CD2AP: variants seen among roughly 807,000 people sequenced by gnomAD.
CD2AP encodes the protein CD2 associated protein.
In CD2AP, 46 loss-of-function variants were observed where a neutral mutation model predicts 85.1. The ratio of observed to expected loss-of-function variants is 0.54; its 90% CI spans 0.43 to 0.69. The LOEUF (loss-of-function observed/expected upper bound fraction) is 0.69. Among genes scored for constraint, CD2AP ranks in the 30% least tolerant of loss-of-function variants. CD2AP has a pLI of 0.00. For synonymous variants in CD2AP, 255 were observed against 252.9 expected (o/e 1.01, Z -0.08); for missense variants, 769 against 729.5 (o/e 1.05, Z -0.62).
chr6:47,587,341 A>G (rs1229483633), intron 11 of CD2AP, among the ~76,000 whole-genome samples: 1 of 152,190 alleles, frequency 6.6e-6, no homozygotes, highest in Non-Finnish European at 1.5e-5. Flanking sequence ...AGAAACCATG[A>G]AACTGATCAC....
At chr6:47,500,781 C>G (rs952403331) in intron 1 of CD2AP, among the ~76,000 whole-genome samples, 3 of 151,562 alleles carry the variant, frequency 2.0e-5, no homozygotes, top group Non-Finnish European at 4.4e-5. Context: ...GAGTCCTGCC[C>G]TGTCACCCAG....
At chr6:47,489,822 GA>G (rs1479670444) in intron 1 of CD2AP, among the ~76,000 whole-genome samples, 1 of 152,142 alleles carries the variant, frequency 6.6e-6, no homozygotes, top group Non-Finnish European at 1.5e-5. Flanking sequence ...AACATTTTGA[GA>G]AGGAAGATTG....
intron 1 of CD2AP, among the ~76,000 whole-genome samples, chr6:47,490,798 G>A (rs1342212998): frequency 1.3e-5 from 2 of 152,098 alleles, no homozygotes; most frequent in Admixed American, 6.5e-5. Context: ...TGTGCTAAGA[G>A]TGTATTGTAC....
chr6:47,498,656 A>G (rs1035021636), intron 1 of CD2AP, among the ~76,000 whole-genome samples: 4 of 152,184 alleles, frequency 2.6e-5, no homozygotes, highest in Non-Finnish European at 4.4e-5. Flanking sequence ...AAAAACAGTA[A>G]GATACTTTGG....
At chr6:47,540,456 A>G (rs1334194393) in intron 3 of CD2AP, among the ~76,000 whole-genome samples, 1 of 152,190 alleles carries the variant, frequency 6.6e-6, no homozygotes, top group Non-Finnish European at 1.5e-5. Flanking sequence ...AATATGAAAT[A>G]ATGTGGAATT....
chr6:47,482,380 C>CT (rs531967845), intron 1 of CD2AP, among the ~76,000 whole-genome samples: 2,134 of 133,446 alleles, frequency 0.016, 53 homozygotes, highest in African/African-American at 0.048. Flanking sequence ...TTTTTTTTGT[C>CT]TTTTTTTTTT....
intron 13 of CD2AP, 55 bp downstream of exon 13, chr6:47,599,498 C>G: frequency 3.4e-6 from 5 of 1,465,318 alleles, no homozygotes; most frequent in South Asian, 1.2e-5. Flanking sequence ...GTCAAAGAAA[C>G]TCTTTAAGAG....
At chr6:47,563,264 A>G (rs753145254) in intron 5 of CD2AP, among the ~76,000 whole-genome samples, 5 of 152,234 alleles carry the variant, frequency 3.3e-5, no homozygotes, top group Non-Finnish European at 5.9e-5. Flanking sequence ...GTATGCTAAT[A>G]GTATAAAATG....
intron 3 of CD2AP, among the ~76,000 whole-genome samples, chr6:47,537,550 T>G (rs929967312): frequency 2.0e-5 from 3 of 152,204 alleles, no homozygotes; most frequent in African/African-American, 7.2e-5. Context: ...GTTAACATTT[T>G]CTCACATTGG....
At chr6:47,583,379 G>C (rs1001524959) in intron 11 of CD2AP, among the ~76,000 whole-genome samples, 3 of 152,146 alleles carry the variant, frequency 2.0e-5, no homozygotes, top group Non-Finnish European at 2.9e-5. Context: ...GTATCATACA[G>C]AATAGCATTA....
chr6:47,518,573 A>T (rs1046703259), intron 2 of CD2AP, among the ~76,000 whole-genome samples: 1 of 152,144 alleles, frequency 6.6e-6, no homozygotes, highest in African/African-American at 2.4e-5. Flanking sequence ...ATTGTTTTCA[A>T]TTTCTGAATA....
intron 6 of CD2AP, 65 bp downstream of exon 6, chr6:47,574,316 A>G (rs1247063438): frequency 1.4e-6 from 2 of 1,454,546 alleles, no homozygotes; most frequent in Non-Finnish European, 9.6e-7. Flanking sequence ...TTTAAAATGT[A>G]AAAGTCAGTT....
intron 15 of CD2AP, among the ~76,000 whole-genome samples, chr6:47,608,257 T>A (rs1769330342): frequency 1.3e-5 from 2 of 152,196 alleles, no homozygotes; most frequent in Admixed American, 1.3e-4. Context: ...ATTTCATATT[T>A]TTTAAGGCAT....
chr6:47,523,633 C>G (rs1295389172), intron 2 of CD2AP, among the ~76,000 whole-genome samples: 1 of 152,094 alleles, frequency 6.6e-6, no homozygotes, highest in Non-Finnish European at 1.5e-5. Flanking sequence ...GTAATTCATT[C>G]TGTGACTTGA....
intron 2 of CD2AP, among the ~76,000 whole-genome samples, chr6:47,532,358 AG>A (rs1175686949): frequency 2.6e-4 from 38 of 146,394 alleles, no homozygotes; most frequent in Admixed American, 1.8e-3. Flanking sequence ...AAAAAAAAAA[AG>A]TATATATATA....
At chr6:47,535,082 C>T (rs1286125039) in intron 3 of CD2AP, among the ~76,000 whole-genome samples, 2 of 152,154 alleles carry the variant, frequency 1.3e-5, no homozygotes, top group Non-Finnish European at 2.9e-5. Context: ...CAGACGTGAG[C>T]CACCATGCTA....
At chr6:47,622,144 G>A (rs1002141280) in intron 17 of CD2AP, among the ~76,000 whole-genome samples, 1 of 152,100 alleles carries the variant, frequency 6.6e-6, no homozygotes, top group Non-Finnish European at 1.5e-5. Flanking sequence ...GCAGTCACAG[G>A]CCTCACCCAG....
In CD2AP at chr6:47,607,953, G is replaced by C. The variant is rs905688755; in HGVS notation, c.1557G>C (p.Leu519Phe). ...CAACTCACAGCCCCGAAAAAATCTT[G>C]AAGTTACCAAAAGAAGAAGACAGTG... ...HSPTHSPEKI[L>F]KLPKEEDSAN... is the part of the protein sequence containing the mutation. The change falls in exon 15 of 18, where the codon TTG becomes TTC. Residue 519 changes from leucine to phenylalanine, a missense_variant. Leu to Phe is a conservative substitution (Grantham distance 22). Transcript: ENST00000359314. The C allele has an allele frequency of 1.2e-6, 2 of 1,612,494 alleles. No individual in the cohort carries two copies. Among genetic ancestry groups the C allele is most frequent in the African/African-American group, 2.7e-5 (2 of 74,958 alleles).
At chr6:47,500,581 C>G (rs754632399) in intron 1 of CD2AP, among the ~76,000 whole-genome samples, 3 of 152,176 alleles carry the variant, frequency 2.0e-5, no homozygotes, top group Non-Finnish European at 2.9e-5. Context: ...GGTGGTTAAT[C>G]TAGCAGTTTG....
Sources: allele counts gnomAD v4.1 joint callset (sites outside exome capture counted in the v4.1 genomes callset), GRCh38; gene constraint gnomAD v4.1.1; transcripts MANE v1.5; gene names NCBI Gene and HGNC (gene_info 2026-07-23, HGNC 2026-07-21).